ARHGAP8: variants seen among roughly 807,000 people sequenced by gnomAD.
ARHGAP8 encodes the protein rho GTPase-activating protein 8.
In ARHGAP8, 62 loss-of-function variants were observed where a neutral mutation model predicts 46.1. The ratio of observed to expected loss-of-function variants is 1.34; its 90% CI spans 1.10 to 1.66. The LOEUF (loss-of-function observed/expected upper bound fraction) is 1.66, where lower values mean the gene tolerates loss of function less well. Ranked by LOEUF, ARHGAP8 falls within the 40% of genes most tolerant of loss-of-function variation. The pLI is 0.00. For synonymous variants in ARHGAP8, 375 were observed against 243.1 expected (o/e 1.54, Z -5.05); for missense variants, 923 against 568.4 (o/e 1.62, Z -6.34).
intron 2 of ARHGAP8, among the ~76,000 whole-genome samples, chr22:44,792,532 C>T (rs1317589755): frequency 6.6e-6 from 1 of 152,130 alleles, no homozygotes; most frequent in Admixed American, 6.6e-5. Flanking sequence ...CCTCCTGCTC[C>T]TCCAGGGCGT....
chr22:44,770,030 G>C (rs1925881726), intron 1 of ARHGAP8, among the ~76,000 whole-genome samples: 1 of 152,124 alleles, frequency 6.6e-6, no homozygotes, highest in South Asian at 2.1e-4. Context: ...TGGATCACGA[G>C]GTCAGGAGTT....
chr22:44,763,598 A>G (rs193188898), intron 1 of ARHGAP8, among the ~76,000 whole-genome samples: 19 of 152,026 alleles, frequency 1.2e-4, no homozygotes, highest in Non-Finnish European at 2.2e-4. Flanking sequence ...CTCATGAGAG[A>G]ATCAGGCAGA....
chr22:44,854,360 C>T (rs559890013), intron 10 of ARHGAP8, among the ~76,000 whole-genome samples: 7 of 151,408 alleles, frequency 4.6e-5, no homozygotes, highest in East Asian at 4.0e-4. Flanking sequence ...CCTCAGCCTC[C>T]GGAGTAGCTG....
At chr22:44,757,699 C>T (rs181411275) in intron 1 of ARHGAP8, among the ~76,000 whole-genome samples, 13 of 151,160 alleles carry the variant, frequency 8.6e-5, no homozygotes, top group Admixed American at 1.3e-4. Context: ...AGTGTAGTGG[C>T]GTGATCTCAG....
chr22:44,821,897 TCA>T (rs1930175359), intron 5 of ARHGAP8, among the ~76,000 whole-genome samples: 1 of 146,282 alleles, frequency 6.8e-6, no homozygotes, highest in East Asian at 2.9e-4. Context: ...CTGGAGAGCC[TCA>T]TTGGTTCCTC....
At chr22:44,773,819 G>A (rs1926216465) in intron 1 of ARHGAP8, among the ~76,000 whole-genome samples, 1 of 152,218 alleles carries the variant, frequency 6.6e-6, no homozygotes, top group South Asian at 2.1e-4. Context: ...CTGGCCTCAA[G>A]TGATCCACCT....
At chr22:44,802,631 T>C (rs1436232584) in intron 3 of ARHGAP8, among the ~76,000 whole-genome samples, 6 of 152,112 alleles carry the variant, frequency 3.9e-5, no homozygotes, top group Non-Finnish European at 8.8e-5. Flanking sequence ...ATGCTCTGAG[T>C]GGATCCTCCA....
At chr22:44,817,203 T>C (rs916101678) in intron 5 of ARHGAP8, among the ~76,000 whole-genome samples, 1 of 152,142 alleles carries the variant, frequency 6.6e-6, no homozygotes, top group Non-Finnish European at 1.5e-5. Context: ...TCTTATCAGC[T>C]CCCAAAGCTG....
At position 44,862,463 on chromosome 22, in the gene ARHGAP8, CGGCCTGGCACCATGGGAACAGGGGAGCAG is replaced by C. The variant is rs753367098; in HGVS notation, c.1174_1202del (p.Leu392SerfsTer73). On this transcript the variant is annotated frameshift_variant, in exon 12 of 12. Coordinates refer to ENST00000356099, the MANE Select transcript of ARHGAP8 (RefSeq NM_181335.3). LOFTEE classifies it low-confidence loss of function (END_TRUNC). The stretch of plus-strand genomic sequence containing the variant: ...GCACCCCGGAGGCACCTGGGGAGCA[CGGCCTGGCACCATGGGAACAGGGGAGCAG>C]GGCAGCCCCTTTGCAGGAGGCTGTG... The C allele has an allele frequency of 2.5e-6, 4 of 1,613,848 alleles. No individual in the cohort carries two copies. The highest frequency in any genetic ancestry group is 1.6e-4 in the Middle Eastern group (1 of 6,082).
intron 3 of ARHGAP8, among the ~76,000 whole-genome samples, chr22:44,804,037 C>G (rs536463266): frequency 6.6e-6 from 1 of 151,212 alleles, no homozygotes; most frequent in South Asian, 2.1e-4. Context: ...CAGTCTTGAG[C>G]GTGGGCCCGG....
chr22:44,859,684 G>C, intron 10 of ARHGAP8, 47 bp from the exon 11 acceptor site: 1 of 1,601,084 alleles, frequency 6.2e-7, no homozygotes, highest in Non-Finnish European at 8.5e-7. Context: ...ATGCAGCGCT[G>C]CCCCTGGCCC....
intron 11 of ARHGAP8, among the ~76,000 whole-genome samples, chr22:44,861,046 C>T (rs963652160): frequency 2.6e-5 from 4 of 152,210 alleles, no homozygotes; most frequent in South Asian, 2.1e-4. Flanking sequence ...CTCTGTTGCC[C>T]TAGCTGGTGT....
Position 44,822,346 on chromosome 22 carries a change from T to C in ARHGAP8, c.387-25T>C, listed in dbSNP as rs766768852. On this transcript the variant is annotated intron_variant, in intron 5 of 11. Coordinates refer to ENST00000356099, the MANE Select transcript of ARHGAP8 (RefSeq NM_181335.3). ...TCTCTGCTGGCGCCTAATCGTTCTT[T>C]ATTCTCTTGCTTCTGCTTTCTTAGT... The C allele has an allele frequency of 7.0e-6, 11 of 1,574,874 alleles. 1 individual carries two copies. In the South Asian group the frequency reaches 1.3e-4, roughly 19 times the overall value.
intron 4 of ARHGAP8, chr22:44,809,592 C>CATTTTCTA: frequency 5.4e-6 from 1 of 185,838 alleles, no homozygotes; most frequent in Non-Finnish European, 1.1e-5. Flanking sequence ...TGTGGTAGGG[C>CATTTTCTA]AGGATCCCAC....
Position 44,859,755 on chromosome 22 carries a change from C to T in ARHGAP8, c.902C>T (p.Thr301Ile). ...ITCVESSLRV[T>I]GCRQILRSLP... ...GGTGTGGAGAGCAGCCTGCGTGTCACTGGCTGCCGCCAGATCTTACGGAGC... is the reference window on the plus strand; with the variant it reads ...GGTGTGGAGAGCAGCCTGCGTGTCATTGGCTGCCGCCAGATCTTACGGAGC... The change falls in exon 11 of 12, where the codon ACT becomes ATT. Residue 301 changes from threonine (T) to isoleucine (I), a missense_variant. Coordinates refer to ENST00000356099, the MANE Select transcript of ARHGAP8 (RefSeq NM_181335.3). 1.2e-6 allele frequency: 2 copies of T among 1,613,986 alleles called. No homozygotes were observed. Among genetic ancestry groups the T allele is most frequent in the Non-Finnish European group, 1.7e-6 (2 of 1,180,026 alleles).
intron 7 of ARHGAP8, among the ~76,000 whole-genome samples, chr22:44,835,705 C>T (rs1484833803): frequency 6.6e-6 from 1 of 152,224 alleles, no homozygotes; most frequent in African/African-American, 2.4e-5. Flanking sequence ...AACACTCCTT[C>T]TTTGCCACTG....
At chr22:44,808,635 C>A in intron 4 of ARHGAP8, 197 bp downstream of exon 4, 2 of 1,012,622 alleles carry the variant, frequency 2.0e-6, no homozygotes, top group Non-Finnish European at 1.4e-6. Flanking sequence ...CAGGGGTTGG[C>A]ACTCATTTTT....
At chr22:44,841,139 G>A (rs1931624341) in intron 7 of ARHGAP8, among the ~76,000 whole-genome samples, 1 of 152,202 alleles carries the variant, frequency 6.6e-6, no homozygotes, top group Non-Finnish European at 1.5e-5. Flanking sequence ...GGCCCTCGTA[G>A]GGAACGGGGG....
chr22:44,758,558 G>T (rs1924872195), intron 1 of ARHGAP8, among the ~76,000 whole-genome samples: 1 of 152,142 alleles, frequency 6.6e-6, no homozygotes, highest in Admixed American at 6.5e-5. Flanking sequence ...AGCCAATGAT[G>T]ATAATAGAAA....
Sources: gnomAD v4.1 joint callset for allele counts (sites outside exome capture counted in the v4.1 genomes callset) on GRCh38, gnomAD v4.1.1 for gene constraint, MANE v1.5 for transcripts, NCBI Gene and HGNC (gene_info 2026-07-23, HGNC 2026-07-21) for gene names.